CSMD1: variants seen among roughly 807,000 people sequenced by gnomAD.
CSMD1 encodes the protein CUB and sushi domain-containing protein 1.
Under a neutral mutation model 417.5 loss-of-function variants are expected in CSMD1, and 213 were observed. That is an observed-to-expected ratio of 0.51 (90% confidence interval 0.46 to 0.57). The LOEUF (loss-of-function observed/expected upper bound fraction) is 0.57. CSMD1 is among the 20% of genes least tolerant of loss of function. The pLI is 0.00. For missense variants in CSMD1, 6,923 were observed against 4,529.7 expected, an observed-to-expected ratio of 1.53 and a Z score of -15.17; for synonymous variants, 2,862 against 1,736.8, an observed-to-expected ratio of 1.65 and a Z score of -16.11.
chr8:3,960,548 G>C (rs561509031), intron 5 of CSMD1, among the ~76,000 whole-genome samples: 14 of 152,158 alleles, frequency 9.2e-5, no homozygotes, highest in East Asian at 1.9e-4. Context: ...AATTAGGAAA[G>C]CATTTTTAGT....
At chr8:4,975,807 G>C (rs184256168) in intron 1 of CSMD1, among the ~76,000 whole-genome samples, 782 of 152,066 alleles carry the variant, frequency 5.1e-3, no homozygotes, top group African/African-American at 0.018. Flanking sequence ...AATAGTGTAT[G>C]CATTTTTTTT....
chr8:3,338,645 T>G (rs933722431), intron 23 of CSMD1, among the ~76,000 whole-genome samples: 3 of 152,142 alleles, frequency 2.0e-5, no homozygotes, highest in Admixed American at 2.0e-4. Context: ...TGCAGCTGAT[T>G]CATTTTCAGG....
intron 1 of CSMD1, among the ~76,000 whole-genome samples, chr8:4,970,685 C>T (rs1810185062): frequency 6.6e-6 from 1 of 151,964 alleles, no homozygotes; most frequent in African/African-American, 2.4e-5. Context: ...AATAAATAGC[C>T]TGACAAATGC....
At chr8:3,049,103 G>A (rs1811648649) in intron 50 of CSMD1, among the ~76,000 whole-genome samples, 1 of 152,070 alleles carries the variant, frequency 6.6e-6, no homozygotes, top group African/African-American at 2.4e-5. Context: ...GACAACGTGG[G>A]GCAACAGGAA....
intron 1 of CSMD1, among the ~76,000 whole-genome samples, chr8:4,805,719 T>C (rs1798549896): frequency 6.6e-6 from 1 of 152,194 alleles, no homozygotes; most frequent in South Asian, 2.1e-4. Context: ...TAAAGCATTA[T>C]ATTATAATTT....
intron 3 of CSMD1, among the ~76,000 whole-genome samples, chr8:4,054,906 G>A (rs1377820983): frequency 1.3e-5 from 2 of 152,088 alleles, no homozygotes; most frequent in Non-Finnish European, 2.9e-5. Context: ...CCTGTGCCCT[G>A]AGCTCTGGGG....
intron 27 of CSMD1, among the ~76,000 whole-genome samples, chr8:3,228,126 T>C (rs1798623780): frequency 6.6e-6 from 1 of 152,252 alleles, no homozygotes; most frequent in Non-Finnish European, 1.5e-5. Flanking sequence ...TAAATGTCTA[T>C]ATTAATTGTA....
intron 2 of CSMD1, among the ~76,000 whole-genome samples, chr8:4,572,319 C>G (rs111826111): frequency 0.017 from 2,545 of 152,250 alleles, 69 homozygotes; most frequent in African/African-American, 0.058. Flanking sequence ...CTAGTGGTGA[C>G]AAAATCCCCC....
At chr8:3,083,610 T>TTA (rs1554507974) in intron 49 of CSMD1, among the ~76,000 whole-genome samples, 330 of 30,836 alleles carry the variant, frequency 0.011, 1 homozygote, top group Middle Eastern at 0.021. Flanking sequence ...ACCATAATTT[T>TTA]TATATATATA....
rs1367835711 is a variant in CSMD1 at position 3,741,230 on chromosome 8, A to AAAAAAC, written c.931+12699_931+12700insGTTTTT. Among the ~76,000 whole-genome samples, 21 of 150,752 alleles carry AAAAAAC rather than the reference A, an allele frequency of 1.4e-4. No individual in the cohort carries two copies. In the South Asian group the frequency reaches 2.1e-3, roughly 15 times the overall value. The stretch of plus-strand genomic sequence containing the variant: ...CTCCGTCTTAAAAAAAAAAAAAAAA[A>AAAAAAC]AAAAAAAAAAACATACAGAAGAAGA... On this transcript the variant is annotated intron_variant, in intron 6 of 69. Transcript: ENST00000635120.
intron 6 of CSMD1, among the ~76,000 whole-genome samples, chr8:3,722,018 C>T (rs1053168601): frequency 3.9e-5 from 6 of 152,086 alleles, no homozygotes; most frequent in African/African-American, 1.4e-4. Flanking sequence ...GTGGAGTTGG[C>T]ACAGGTTGTA....
In CSMD1 at chr8:2,955,887, C is replaced by CAT. The variant is rs1474539680; in HGVS notation, c.9815-121_9815-120dup. 1.0e-5 allele frequency: 7 copies of CAT among 667,726 alleles called. No homozygotes were observed. The East Asian group carries it at 1.5e-4, about 14-fold the overall frequency. The allele number at this position is 667,726 out of a possible 1,614,324, so 41.4% of individuals were successfully genotyped here. A position where few individuals can be genotyped will look rare whatever the true frequency, so the allele number is the denominator to read the frequency against. On this transcript the variant is annotated intron_variant, in intron 63 of 69. Transcript: ENST00000635120. ...GTTATGCAGTCAATATGTATATATACATATATATACACATATATATGTATA... is the reference window on the plus strand; with the variant it reads ...GTTATGCAGTCAATATGTATATATACATATATATATACACATATATATGTATA...
intron 10 of CSMD1, among the ~76,000 whole-genome samples, chr8:3,547,151 C>G (rs1798701908): frequency 6.6e-6 from 1 of 152,154 alleles, no homozygotes. Context: ...TGGACAAGCT[C>G]TGGGCTTGGC....
At chr8:3,654,871 T>A (rs544517643) in intron 7 of CSMD1, among the ~76,000 whole-genome samples, 3 of 152,196 alleles carry the variant, frequency 2.0e-5, no homozygotes, top group South Asian at 4.1e-4. Context: ...ACCTGCCAGC[T>A]CTGCAACAGA....
chr8:4,717,356 T>C (rs1289627996), intron 1 of CSMD1, among the ~76,000 whole-genome samples: 3 of 142,906 alleles, frequency 2.1e-5, no homozygotes, highest in South Asian at 2.2e-4. Flanking sequence ...TACACACACA[T>C]ATATACACAC....
At chr8:3,961,125 G>T (rs1299059977) in intron 5 of CSMD1, among the ~76,000 whole-genome samples, 1 of 152,076 alleles carries the variant, frequency 6.6e-6, no homozygotes, top group Admixed American at 6.5e-5. Flanking sequence ...ATTAAAAATT[G>T]CATCTCTTCT....
intron 2 of CSMD1, among the ~76,000 whole-genome samples, chr8:4,578,856 G>A (rs1348661041): frequency 6.0e-5 from 9 of 148,872 alleles, no homozygotes; most frequent in Non-Finnish European, 8.9e-5. Flanking sequence ...AGCAGAAATG[G>A]CGGCATTATA....
intron 64 of CSMD1, 100 bp from the exon 65 acceptor site, chr8:2,954,368 T>C (rs1802851367): frequency 1.5e-6 from 1 of 668,528 alleles, no homozygotes; most frequent in Admixed American, 3.0e-5. Flanking sequence ...TCTCCAGATT[T>C]TTTTAATGTA....
chr8:4,623,280 C>T (rs1352113169), intron 2 of CSMD1, among the ~76,000 whole-genome samples: 2 of 152,050 alleles, frequency 1.3e-5, no homozygotes, highest in Admixed American at 6.6e-5. Flanking sequence ...ATTCACATCA[C>T]CGTAAAATAA....
Sources: gnomAD v4.1 joint callset for allele counts (sites outside exome capture counted in the v4.1 genomes callset) on GRCh38, gnomAD v4.1.1 for gene constraint, MANE v1.5 for transcripts, NCBI Gene and HGNC (gene_info 2026-07-23, HGNC 2026-07-21) for gene names.